Variants in SLITRK4 observed in about 807,000 individuals in gnomAD.
SLITRK4 encodes SLIT and NTRK-like protein 4.
SLITRK4 carries 7 observed loss-of-function variants against 34.7 expected under a neutral mutation model. That is an observed-to-expected ratio of 0.20 (90% CI 0.11 to 0.38). SLITRK4 has a LOEUF of 0.38. SLITRK4 is among the 10% of genes least tolerant of loss of function. SLITRK4 has a pLI of 1.00. For missense variants in SLITRK4, 474 were observed against 607.0 expected, an observed-to-expected ratio of 0.78 and a Z score of 2.30; for synonymous variants, 237 against 246.2, an observed-to-expected ratio of 0.96 and a Z score of 0.35.
chrX:143,624,162 C>G lies in SLITRK4; in HGVS notation c.*4433G>C, dbSNP rs1458455587. On this transcript the variant is annotated 3_prime_UTR_variant, in exon 2 of 2. Transcript: ENST00000356928. ...ATTGGTCAATATAGTCAGTTACATT[C>G]ATTTCTGCCCTCAAGTTAACCGTAA... 2 of 111,540 alleles carry G rather than the reference C, an allele frequency of 1.8e-5. No individual in the cohort carries two copies. The highest frequency in any genetic ancestry group is 3.8e-5 in the Non-Finnish European group (2 of 52,955). 9.2% of individuals were successfully genotyped at this position (111,540 alleles called of 1,213,427 possible).
chrX:143,634,662 T>C (rs1237322889), intron 1 of SLITRK4, among the ~76,000 whole-genome samples: 1 of 110,295 alleles, frequency 9.1e-6, no homozygotes, highest in African/African-American at 3.3e-5. Context: ...CTCGGCCACT[T>C]TGGCCACTCA....
In SLITRK4 at chrX:143,626,050, C is replaced by G. The variant is rs1458709270; in HGVS notation, c.*2545G>C. 35 of 111,671 alleles carry G rather than the reference C, an allele frequency of 3.1e-4. No homozygotes were observed. Among genetic ancestry groups the G allele is most frequent in the Non-Finnish European group, 1.5e-4 (8 of 52,850 alleles). The allele number at this position is 111,671 out of a possible 1,213,427, so 9.2% of individuals were successfully genotyped here. ...GAAACATCTTCAGAACATCACCACA[C>G]TGAATAAAAGTATCATTCAAATGAC... On this transcript the variant is annotated 3_prime_UTR_variant, in exon 2 of 2. Transcript: ENST00000356928.
chrX:143,628,669 G>A lies in SLITRK4; in HGVS notation c.2440C>T (p.Leu814=), dbSNP rs1930896374. The part of the protein sequence containing the change: ...VEQRKSEYFE[L]KAKLQSSPDY... ...GGGGAACTCTGCAGTTTCGCCTTCA[G>A]TTCAAAATACTCACTCTTCCTTTGT... is the stretch of plus-strand genomic sequence containing the variant. Residue 814 remains leucine, a synonymous_variant, in exon 2 of 2, where the codon CTG becomes TTG. Transcript: ENST00000356928. The A allele has an allele frequency of 1.7e-6, 2 of 1,209,566 alleles. No individual in the cohort carries two copies. Among genetic ancestry groups the A allele is most frequent in the African/African-American group, 3.5e-5 (2 of 57,185 alleles).
rs1930767034 is a variant in SLITRK4 at position 143,625,792 on chromosome X, T to C, written c.*2803A>G. 8.9e-6 allele frequency: 1 copy of C among 112,114 alleles called. No homozygotes were observed. Among genetic ancestry groups the C allele is most frequent in the Non-Finnish European group, 1.9e-5 (1 of 52,971 alleles). 9.2% of individuals were successfully genotyped at this position (112,114 alleles called of 1,213,427 possible). A position where few individuals can be genotyped will look rare whatever the true frequency, so the allele number is the denominator to read the frequency against. ...GACAGGTGCAAAATTGTATACACTATATAATGTAGGCACAATGACTTTAGT... is the reference window on the plus strand; with the variant it reads ...GACAGGTGCAAAATTGTATACACTACATAATGTAGGCACAATGACTTTAGT... On this transcript the variant is annotated 3_prime_UTR_variant, in exon 2 of 2. Coordinates refer to ENST00000356928, the MANE Select transcript of SLITRK4 (RefSeq NM_001184749.3).
chrX:143,628,091 C>CTGTTTTTTTTTTTTTTTTTTTTT lies in SLITRK4; in HGVS notation c.*503_*504insAAAAAAAAAAAAAAAAAAAAACA, dbSNP rs1930857300. 1 of 72,816 alleles carries CTGTTTTTTTTTTTTTTTTTTTTT rather than the reference C, an allele frequency of 1.4e-5. No homozygotes were observed. The highest frequency in any genetic ancestry group is 2.2e-4 in the African/African-American group (1 of 4,602). 6.0% of individuals were successfully genotyped at this position (72,816 alleles called of 1,213,427 possible). ...CTATCGAGTGTTCTCTCTTTGCATG[C>CTGTTTTTTTTTTTTTTTTTTTTT]TTTTTTTTTTTTTTTTTTTTTTTTT... On this transcript the variant is annotated 3_prime_UTR_variant, in exon 2 of 2. Coordinates refer to ENST00000356928, the MANE Select transcript of SLITRK4 (RefSeq NM_001184749.3).
Position 143,629,786 on chromosome X carries a change from A to G in SLITRK4, c.1323T>C (p.Tyr441=). The G allele has an allele frequency of 8.3e-7, 1 of 1,209,393 alleles. No individual in the cohort carries two copies. Among genetic ancestry groups the G allele is most frequent in the Non-Finnish European group, 1.1e-6 (1 of 893,368 alleles). The change falls in exon 2 of 2, where the codon TAT becomes TAC. Residue 441 remains tyrosine (Y), a synonymous_variant. Transcript: ENST00000356928. The part of the protein sequence containing the change: ...YLNGNQIERL[Y]PEIFSGLHNL... ...TATGAAGACCTGAAAATATTTCAGG[A>G]TAGAGTCTCTCAATTTGATTGCCAT...
chrX:143,634,309 A>G (rs782594109), intron 1 of SLITRK4: 1 of 112,053 alleles, frequency 8.9e-6, no homozygotes, highest in African/African-American at 3.2e-5. Flanking sequence ...GGCTTTGCAG[A>G]GCTTTTAGAG....
In SLITRK4 at chrX:143,630,329, C is replaced by T. The variant is rs1216718010; in HGVS notation, c.780G>A (p.Glu260=). 1.3e-5 allele frequency: 16 copies of T among 1,211,665 alleles called. No individual in the cohort carries two copies. The highest frequency in any genetic ancestry group is 2.3e-4 in the Middle Eastern group (1 of 4,356). The change falls in exon 2 of 2, where the codon GAG becomes GAA. Residue 260 remains glutamate (E), a synonymous_variant. Coordinates refer to ENST00000356928, the MANE Select transcript of SLITRK4 (RefSeq NM_001184749.3). ...CACTGCCGGTGCCCATGGGACATAGCTCTTGTTTGTTGGTTTCTTTTAAAA... is the reference window on the plus strand; with the variant it reads ...CACTGCCGGTGCCCATGGGACATAGTTCTTGTTTGTTGGTTTCTTTTAAAA... ...GRLLKETNKQ[E]LCPMGTGSDF... is the part of the protein sequence containing the mutation.
At chrX:143,632,593 CTTTG>C (rs1931076758) in intron 1 of SLITRK4, among the ~76,000 whole-genome samples, 1 of 111,766 alleles carries the variant, frequency 8.9e-6, no homozygotes, top group Admixed American at 9.5e-5. Flanking sequence ...ACAGAAACTC[CTTTG>C]TTTATTTTAC....
At chrX:143,633,536 C>T (rs905394375) in intron 1 of SLITRK4, among the ~76,000 whole-genome samples, 1 of 111,278 alleles carries the variant, frequency 9.0e-6, no homozygotes, top group African/African-American at 3.3e-5. Context: ...ACCCTTGGCT[C>T]TCACGACCAG....
chrX:143,622,989 G>A lies in SLITRK4; in HGVS notation c.*5606C>T, dbSNP rs1930679590. The stretch of plus-strand genomic sequence containing the variant: ...TATCCACTGCACAACATGCCTTCCT[G>A]CAGCTATTAACCAGCAGCGTCTGAC... On this transcript the variant is annotated 3_prime_UTR_variant, in exon 2 of 2. Coordinates refer to ENST00000356928, the MANE Select transcript of SLITRK4 (RefSeq NM_001184749.3). 1 of 110,333 alleles carries A rather than the reference G, an allele frequency of 9.1e-6. No homozygotes were observed. The highest frequency in any genetic ancestry group is 3.3e-5 in the African/African-American group (1 of 30,351). 9.1% of individuals were successfully genotyped at this position (110,333 alleles called of 1,213,427 possible).
rs1930932218 is a variant in SLITRK4 at position 143,629,294 on chromosome X, A to T, written c.1815T>A (p.Gly605=). Residue 605 remains glycine, a synonymous_variant, in exon 2 of 2, where the codon GGT becomes GGA. Transcript: ENST00000356928. ...GCCCACCAGGAGGACTTCGAATGGGACCCAAAGGAGTGGTGAATGTAATGG... is the reference window on the plus strand; with the variant it reads ...GCCCACCAGGAGGACTTCGAATGGGTCCCAAAGGAGTGGTGAATGTAATGG... ...APAITFTTPL[G]PIRSPPGGPV... is the part of the protein sequence containing the mutation. 1 of 1,212,111 alleles carries T rather than the reference A, an allele frequency of 8.3e-7. No individual in the cohort carries two copies. Among genetic ancestry groups the T allele is most frequent in the East Asian group, 3.0e-5 (1 of 33,868 alleles).
rs1350638679 is a variant in SLITRK4, at chrX:143,626,654, G to T, written c.*1941C>A. 2.8e-5 allele frequency: 3 copies of T among 108,085 alleles called. No homozygotes were observed. The East Asian group carries it at 8.7e-4, about 31-fold the overall frequency. The allele number at this position is 108,085 out of a possible 1,213,427, so 8.9% of individuals were successfully genotyped here. A position where few individuals can be genotyped will look rare whatever the true frequency, so the allele number is the denominator to read the frequency against. Reference sequence around the variant, plus strand: ...AACAGCTACTGCAACTATAAACATAGTATCATTTTGGAAGCTGCAACAGAA... The same window carrying T: ...AACAGCTACTGCAACTATAAACATATTATCATTTTGGAAGCTGCAACAGAA... On this transcript the variant is annotated 3_prime_UTR_variant, in exon 2 of 2. Transcript: ENST00000356928.
chrX:143,626,987 G>A lies in SLITRK4; in HGVS notation c.*1608C>T, dbSNP rs781879296. The A allele has an allele frequency of 1.8e-4, 19 of 106,700 alleles. No individual in the cohort carries two copies. Among genetic ancestry groups the A allele is most frequent in the African/African-American group, 5.1e-4 (15 of 29,450 alleles). 8.8% of individuals were successfully genotyped at this position (106,700 alleles called of 1,213,427 possible). A position where few individuals can be genotyped will look rare whatever the true frequency, so the allele number is the denominator to read the frequency against. ...GTTTCTGAATATCACTTTGTTAATCGGGAGCTCCTACAAAAGTTCCGACAT... is the reference window on the plus strand; with the variant it reads ...GTTTCTGAATATCACTTTGTTAATCAGGAGCTCCTACAAAAGTTCCGACAT... On this transcript the variant is annotated 3_prime_UTR_variant, in exon 2 of 2. Transcript: ENST00000356928.
Position 143,628,996 on chromosome X carries a change from A to G in SLITRK4, c.2113T>C (p.Ser705Pro). Residue 705 changes from serine to proline, a missense_variant, in exon 2 of 2, where the codon TCA becomes CCA. Ser to Pro is a moderately conservative substitution (Grantham distance 74, BLOSUM62 -1). This residue lies in a region of SLITRK4 where 345 missense variants were observed against 406.5 expected (regional missense o/e 0.85). Coordinates refer to ENST00000356928, the MANE Select transcript of SLITRK4 (RefSeq NM_001184749.3). ...SKSHTCGLKE[S>P]ETGFMFSDPP... is the part of the protein sequence containing the mutation. ...TCTGAAAACATGAACCCAGTTTCTG[A>G]CTCTTTCAAGCCACAAGTGTGGCTC... The G allele has an allele frequency of 8.3e-7, 1 of 1,210,787 alleles. No homozygotes were observed. Among genetic ancestry groups the G allele is most frequent in the Admixed American group, 2.2e-5 (1 of 45,885 alleles).
Position 143,630,953 on chromosome X carries a change from A to C in SLITRK4, c.156T>G (p.Asn52Lys). ...NCEKVSVYRP[N>K]QLKPPWSNFY... ...AATTAGACCAAGGTGGTTTCAGCTG[A>C]TTTGGTCTGTAGACTGAAACCTTCT... is the stretch of plus-strand genomic sequence containing the variant. The change falls in exon 2 of 2, where the codon AAT becomes AAG. Residue 52 changes from asparagine to lysine, a missense_variant. Asn to Lys is a moderately conservative substitution (Grantham distance 94). Transcript: ENST00000356928. The C allele has an allele frequency of 1.7e-6, 2 of 1,210,557 alleles. No homozygotes were observed. Among genetic ancestry groups the C allele is most frequent in the Non-Finnish European group, 2.2e-6 (2 of 895,145 alleles).
At chrX:143,634,995 C>T (rs1251297632) in intron 1 of SLITRK4, 1 of 109,326 alleles carries the variant, frequency 9.1e-6, no homozygotes, top group Non-Finnish European at 1.9e-5. Context: ...GCCCGTCAAA[C>T]CCACGGAGCA....
chrX:143,635,043 G>C (rs1301458848), intron 1 of SLITRK4: 4 of 107,790 alleles, frequency 3.7e-5, no homozygotes, highest in African/African-American at 1.0e-4. Context: ...CGGGCAGGCG[G>C]GCAGCGGCGC....
chrX:143,630,461 G>T lies in SLITRK4; in HGVS notation c.648C>A (p.Asn216Lys). The T allele has an allele frequency of 2.5e-6, 3 of 1,211,776 alleles. No individual in the cohort carries two copies. Among genetic ancestry groups the T allele is most frequent in the Non-Finnish European group, 3.3e-6 (3 of 895,588 alleles). The change falls in exon 2 of 2, where the codon AAC becomes AAA. Residue 216 changes from asparagine to lysine, a missense_variant. Asn to Lys is a moderately conservative substitution (Grantham distance 94). Coordinates refer to ENST00000356928, the MANE Select transcript of SLITRK4 (RefSeq NM_001184749.3). ...TTAAGGGCAATAAATCACAGCTACA[G>T]TTCCAAGGGTTATCTTCCAGTTGCA... ...VELQLEDNPWNCSCDLLPLKA... is the reference protein window; with the variant it reads ...VELQLEDNPWKCSCDLLPLKA...
Sources: gnomAD v4.1 joint callset for allele counts (sites outside exome capture counted in the v4.1 genomes callset) on GRCh38, gnomAD v4.1.1 for gene constraint, gnomAD v4.1.1 regional missense constraint, MANE v1.5 for transcripts, NCBI Gene and HGNC (gene_info 2026-07-23, HGNC 2026-07-21) for gene names.